PCDHA4: variants seen among roughly 807,000 people sequenced by gnomAD.
PCDHA4 encodes the protein protocadherin alpha-4.
In PCDHA4, 49 loss-of-function variants were observed where a neutral mutation model predicts 61.4. The ratio of observed to expected loss-of-function variants is 0.80; its 90% CI spans 0.63 to 1.01. The LOEUF (loss-of-function observed/expected upper bound fraction) is 1.01. Among genes scored for constraint, PCDHA4 ranks in the 50% least tolerant of loss-of-function variants. The probability of loss-of-function intolerance (pLI) is 0.00; values close to 1 mark genes in which losing one functional copy is unlikely to be tolerated. For missense variants in PCDHA4, 1,254 were observed against 1,235.8 expected (o/e 1.01, Z -0.22); for synonymous variants, 590 against 550.3 (o/e 1.07, Z -1.01).
chr5:140,863,237 C>A (rs782024401), intron 1 of PCDHA4: 6 of 1,306,974 alleles, frequency 4.6e-6, no homozygotes, highest in Non-Finnish European at 5.3e-6. Context: ...CCATCGCGGG[C>A]TTTGGCGGGC....
chr5:141,003,715 G>A (rs561348265), intron 3 of PCDHA4, among the ~76,000 whole-genome samples: 21 of 152,240 alleles, frequency 1.4e-4, no homozygotes, highest in African/African-American at 2.2e-4. Flanking sequence ...TGAAGATATC[G>A]GCTAATCCAA....
Position 141,010,476 on chromosome 5 carries a change from G to T in PCDHA4, c.*539G>T. ...GAAGTTATCAGTATGGAGGGGAAGT[G>T]TAAACTTAAAGGGACCAGACTTTCT... is the stretch of plus-strand genomic sequence containing the variant. On this transcript the variant is annotated 3_prime_UTR_variant, in exon 4 of 4. Coordinates refer to ENST00000530339, the MANE Select transcript of PCDHA4 (RefSeq NM_018907.4). 1.3e-6 allele frequency: 1 copy of T among 752,476 alleles called. No individual in the cohort carries two copies. Among genetic ancestry groups the T allele is most frequent in the Non-Finnish European group, 2.0e-6 (1 of 499,640 alleles). The allele number at this position is 752,476 out of a possible 1,614,324, so 46.6% of individuals were successfully genotyped here. A position where few individuals can be genotyped will look rare whatever the true frequency, so the allele number is the denominator to read the frequency against.
intron 1 of PCDHA4, chr5:140,811,156 C>A (rs1183690629): frequency 6.6e-6 from 1 of 152,246 alleles, no homozygotes; most frequent in Non-Finnish European, 1.5e-5. Context: ...TATCCCTCCC[C>A]CAGTCCCCCA....
chr5:140,826,207 A>T (rs1165318551), intron 1 of PCDHA4, among the ~76,000 whole-genome samples: 2 of 152,254 alleles, frequency 1.3e-5, no homozygotes, highest in Admixed American at 6.5e-5. Flanking sequence ...GTCACATTTT[A>T]AAAAATCAAG....
At chr5:140,960,444 T>C in intron 1 of PCDHA4, among the ~76,000 whole-genome samples, 1 of 152,022 alleles carries the variant, frequency 6.6e-6, no homozygotes, top group Non-Finnish European at 1.5e-5. Context: ...TAGATATATG[T>C]ATGGATAATT....
chr5:140,810,198 A>G (rs1214628062), intron 1 of PCDHA4: 2 of 152,248 alleles, frequency 1.3e-5, no homozygotes, highest in Non-Finnish European at 2.9e-5. Context: ...TTCTGTTTCT[A>G]GTACTATTTC....
intron 1 of PCDHA4, chr5:140,967,369 G>A (rs147557274): frequency 2.4e-5 from 38 of 1,607,564 alleles, no homozygotes; most frequent in Non-Finnish European, 2.9e-5. Context: ...AGCCCCTGCA[G>A]GAGAACAGTA....
chr5:140,836,445 G>C, intron 1 of PCDHA4: 1 of 1,613,836 alleles, frequency 6.2e-7, no homozygotes, highest in Non-Finnish European at 8.5e-7. Flanking sequence ...GGGCATTGCA[G>C]GCCCAGAGAC....
At chr5:140,982,186 C>G (rs547938149) in intron 2 of PCDHA4, among the ~76,000 whole-genome samples, 34 of 152,372 alleles carry the variant, frequency 2.2e-4, no homozygotes, top group African/African-American at 7.7e-4. Context: ...CTCTGATGGG[C>G]TTCCTGTTAG....
chr5:140,916,193 C>T lies in PCDHA4; in HGVS notation c.2386-62756C>T, dbSNP rs536117096. On this transcript the variant is annotated intron_variant, in intron 1 of 3. Transcript: ENST00000530339. ...CTGGGACTCTTCAAGGAAGTGGGCACCCCTCTGCCCTGGGGAAGATCCAAA... is the reference window on the plus strand; with the variant it reads ...CTGGGACTCTTCAAGGAAGTGGGCATCCCTCTGCCCTGGGGAAGATCCAAA... 1.6e-4 allele frequency among the ~76,000 whole-genome samples: 25 copies of T among 152,256 alleles called. No individual in the cohort carries two copies. In the South Asian group the frequency reaches 5.0e-3, roughly 30 times the overall value.
In PCDHA4 at chr5:141,010,555, C is replaced by CTG; in HGVS notation, c.*618_*619insTG. 2 of 321,156 alleles carry CTG rather than the reference C, an allele frequency of 6.2e-6. No homozygotes were observed. The highest frequency in any genetic ancestry group is 1.1e-4 in the South Asian group (2 of 18,704). 19.9% of individuals were successfully genotyped at this position (321,156 alleles called of 1,614,324 possible). On this transcript the variant is annotated 3_prime_UTR_variant, in exon 4 of 4. Coordinates refer to ENST00000530339, the MANE Select transcript of PCDHA4 (RefSeq NM_018907.4). ...ACCCTCTAGGAGACAAAACTACCCCCACTGACAAGGCTTTAGGAGACCCTA... is the reference window on the plus strand; with the variant it reads ...ACCCTCTAGGAGACAAAACTACCCCCTGACTGACAAGGCTTTAGGAGACCCTA...
chr5:140,882,153 A>G (rs1197738298), intron 1 of PCDHA4: 9 of 1,505,320 alleles, frequency 6.0e-6, no homozygotes, highest in Admixed American at 2.3e-5. Flanking sequence ...CAGAAAGCGG[A>G]ATACCTCTTG....
intron 1 of PCDHA4, chr5:140,830,788 T>G (rs1554133014): frequency 1.2e-5 from 2 of 161,880 alleles, no homozygotes; most frequent in African/African-American, 4.8e-5. Context: ...TTTTTCTGAT[T>G]AATTATATGG....
At position 140,856,108 on chromosome 5, in the gene PCDHA4, C is replaced by T. The variant is rs782347472; in HGVS notation, c.2385+46536C>T. 109 of 1,597,910 alleles carry T rather than the reference C, an allele frequency of 6.8e-5. 10 individuals are homozygous for T. The highest frequency in any genetic ancestry group is 9.3e-5 in the Non-Finnish European group (109 of 1,167,634). ...GTCTGCTGCTCTCGCTTCTTCTCCT[C>T]GCAGCCTGGGAGGTGGGGAGCGGCC... On this transcript the variant is annotated intron_variant, in intron 1 of 3. Transcript: ENST00000530339.
rs1305370888 is a variant in PCDHA4, at chr5:140,852,030, T to C, written c.2385+42458T>C. 9.7e-5 allele frequency: 91 copies of C among 938,230 alleles called. 9 individuals are homozygous for C. The highest frequency in any genetic ancestry group is 9.0e-5 in the Non-Finnish European group (70 of 773,886). The allele number at this position is 938,230 out of a possible 1,614,324, so 58.1% of individuals were successfully genotyped here. A position where few individuals can be genotyped will look rare whatever the true frequency, so the allele number is the denominator to read the frequency against. On this transcript the variant is annotated intron_variant, in intron 1 of 3. Coordinates refer to ENST00000530339, the MANE Select transcript of PCDHA4 (RefSeq NM_018907.4). ...TTTATAGTTTTAAAAACTTCGCTTATTGAGTTTTTGTTATGTGGTTTATAT... is the reference window on the plus strand; with the variant it reads ...TTTATAGTTTTAAAAACTTCGCTTACTGAGTTTTTGTTATGTGGTTTATAT...
chr5:140,828,109 G>T, intron 1 of PCDHA4: 1 of 1,611,506 alleles, frequency 6.2e-7, no homozygotes, highest in East Asian at 2.2e-5. Flanking sequence ...TTACCCCGGA[G>T]GATAGATTGG....
intron 1 of PCDHA4, chr5:140,836,577 T>A: frequency 6.2e-7 from 1 of 1,613,654 alleles, no homozygotes; most frequent in East Asian, 2.2e-5. Context: ...TGAGGGCGCA[T>A]GTAGTTTGGT....
intron 1 of PCDHA4, chr5:140,809,824 C>A: frequency 2.6e-6 from 1 of 381,262 alleles, no homozygotes; most frequent in Non-Finnish European, 4.6e-6. Context: ...TATATTCACC[C>A]TCTTTGTTTT....
intron 1 of PCDHA4, among the ~76,000 whole-genome samples, chr5:140,891,998 A>C (rs1336951985): frequency 2.6e-5 from 4 of 152,200 alleles, no homozygotes; most frequent in Non-Finnish European, 5.9e-5. Flanking sequence ...AGTCTGTGGC[A>C]TTCTGTTATA....
Sources: allele counts gnomAD v4.1 joint callset (sites outside exome capture counted in the v4.1 genomes callset), GRCh38; gene constraint gnomAD v4.1.1; transcripts MANE v1.5; gene names NCBI Gene and HGNC (gene_info 2026-07-23, HGNC 2026-07-21).